DRC7: variants seen among roughly 807,000 people sequenced by gnomAD.
DRC7 encodes the protein dynein regulatory complex subunit 7, also known as coiled-coil domain containing 135.
Under a neutral mutation model 104.4 loss-of-function variants are expected in DRC7, and 80 were observed. That is an observed-to-expected ratio of 0.77 (90% CI 0.64 to 0.92). DRC7 has a LOEUF of 0.92. Ranked by LOEUF, DRC7 falls within the 40% of genes least tolerant of loss-of-function variation. The pLI is 0.00. For missense variants in DRC7, 1,034 were observed against 1,141.1 expected, an observed-to-expected ratio of 0.91 and a Z score of 1.35; for synonymous variants, 405 against 447.3, an observed-to-expected ratio of 0.91 and a Z score of 1.19.
chr16:57,715,956 A>G (rs919473592), intron 8 of DRC7, among the ~76,000 whole-genome samples: 2 of 152,158 alleles, frequency 1.3e-5, no homozygotes, highest in Non-Finnish European at 2.9e-5. Context: ...TGTCACTTTT[A>G]CCAGCACACG....
chr16:57,709,128 CAAA>C (rs10536559), intron 8 of DRC7, among the ~76,000 whole-genome samples: 86 of 107,602 alleles, frequency 8.0e-4, no homozygotes, highest in South Asian at 9.1e-4. Flanking sequence ...GACTCTGTCT[CAAA>C]AAAAAAAAAA....
Position 57,721,434 on chromosome 16 carries a change from C to T in DRC7, c.1207-233C>T, listed in dbSNP as rs112995449. On this transcript the variant is annotated intron_variant, in intron 9 of 18. Coordinates refer to ENST00000360716, the MANE Select transcript of DRC7 (RefSeq NM_001289162.2). Reference sequence around the variant, plus strand: ...TCTCTAATCACGAAGGGCCTGCAGCCAGGGCAGGGGGTGCTGCTGTCCTAA... The same window carrying T: ...TCTCTAATCACGAAGGGCCTGCAGCTAGGGCAGGGGGTGCTGCTGTCCTAA... Among the ~76,000 whole-genome samples, 1,485 of 152,296 alleles carry T rather than the reference C, an allele frequency of 9.8e-3. 19 individuals carry two copies. The highest frequency in any genetic ancestry group is 0.017 in the Middle Eastern group (5 of 294).
chr16:57,722,848 G>C lies in DRC7; in HGVS notation c.1408+7G>C. The C allele has an allele frequency of 3.1e-6, 5 of 1,613,718 alleles. No homozygotes were observed. The highest frequency in any genetic ancestry group is 4.2e-6 in the Non-Finnish European group (5 of 1,180,014). ...ACCTATGAGGACTTGCAGTGTAAGG[G>C]GGATTGCTCTGGACATGGGTCCAGG... On this transcript the variant is annotated splice_region_variant and intron_variant, in intron 11 of 18. Transcript: ENST00000360716.
chr16:57,731,709 A>C lies in DRC7; in HGVS notation c.*451A>C. 1 of 172,004 alleles carries C rather than the reference A, an allele frequency of 5.8e-6. No homozygotes were observed. The highest frequency in any genetic ancestry group is 1.4e-4 in the South Asian group (1 of 7,030). The allele number at this position is 172,004 out of a possible 1,614,324, so 10.7% of individuals were successfully genotyped here. A position where few individuals can be genotyped will look rare whatever the true frequency, so the allele number is the denominator to read the frequency against. ...GGAAGGCTAAGATGCATGCCCCAGA[A>C]TTTGAGGACTGAATCCCAGCTCCTC... On this transcript the variant is annotated 3_prime_UTR_variant, in exon 19 of 19. Transcript: ENST00000360716.
chr16:57,731,132 C>A, intron 18 of DRC7, 33 bp from the exon 19 acceptor site: 2 of 1,613,644 alleles, frequency 1.2e-6, no homozygotes, highest in Non-Finnish European at 1.7e-6. Context: ...CTTTGTAACC[C>A]CTCACCCTCT....
chr16:57,704,008 C>T (rs910113758), intron 6 of DRC7, among the ~76,000 whole-genome samples: 11 of 149,080 alleles, frequency 7.4e-5, no homozygotes, highest in Admixed American at 1.3e-4. Flanking sequence ...AGCTCCCACC[C>T]GGGCATCTCA....
intron 8 of DRC7, among the ~76,000 whole-genome samples, chr16:57,709,474 A>G (rs1432824725): frequency 1.3e-5 from 2 of 152,256 alleles, no homozygotes; most frequent in African/African-American, 4.8e-5. Flanking sequence ...TAGGGTTTTT[A>G]TAGCTAGCTA....
intron 2 of DRC7, among the ~76,000 whole-genome samples, chr16:57,696,946 T>G (rs1424220244): frequency 6.6e-6 from 1 of 152,214 alleles, no homozygotes; most frequent in Non-Finnish European, 1.5e-5. Flanking sequence ...AGAGTCTCAC[T>G]CTGTCACCCA....
chr16:57,728,753 G>C (rs2049004932), intron 17 of DRC7, among the ~76,000 whole-genome samples, 169 bp downstream of exon 17: 1 of 127,046 alleles, frequency 7.9e-6, no homozygotes, highest in Admixed American at 1.1e-4. Flanking sequence ...CCTCACACTT[G>C]TTTATCGGAT....
At chr16:57,727,105 C>A in intron 15 of DRC7, 163 bp downstream of exon 15, 1 of 647,512 alleles carries the variant, frequency 1.5e-6, no homozygotes, top group Non-Finnish European at 2.7e-6. Context: ...GGACCACTAG[C>A]GCACACCACC....
chr16:57,714,499 A>C (rs1208704595), intron 8 of DRC7, among the ~76,000 whole-genome samples: 1 of 152,040 alleles, frequency 6.6e-6, no homozygotes, highest in Non-Finnish European at 1.5e-5. Flanking sequence ...GATGGCATGC[A>C]CCTGTAGTCC....
At chr16:57,695,386 GCC>G (rs2048583197) in intron 1 of DRC7, among the ~76,000 whole-genome samples, 1 of 152,128 alleles carries the variant, frequency 6.6e-6, no homozygotes, top group African/African-American at 2.4e-5. Flanking sequence ...ACTTCTCTGG[GCC>G]CCAATCTTCT....
intron 15 of DRC7, 146 bp from the exon 16 acceptor site, chr16:57,727,153 A>G (rs1305730534): frequency 3.2e-5 from 23 of 713,010 alleles, no homozygotes. Context: ...TTTGTTTTTT[A>G]ACAGATGGGG....
intron 15 of DRC7, 101 bp from the exon 16 acceptor site, chr16:57,727,198 T>C: frequency 1.0e-6 from 1 of 956,672 alleles, no homozygotes; most frequent in Non-Finnish European, 1.7e-6. Flanking sequence ...CTCAAACTCC[T>C]GAATTCATGC....
intron 1 of DRC7, among the ~76,000 whole-genome samples, chr16:57,695,645 C>T (rs186468222): frequency 1.8e-4 from 28 of 152,330 alleles, no homozygotes; most frequent in African/African-American, 6.7e-4. Context: ...ATCTGGGGTC[C>T]TGAATGGTGT....
rs1279432267 is a variant in DRC7, at chr16:57,700,216, C to T, written c.450C>T (p.Ala150=). ...YPELYNWDSC[A]QFVSDFLTMV... ...AGCTCTACAACTGGGACAGCTGTGC[C>T]CAGTTTGTCTCCGACTTCCTCACCA... is the stretch of plus-strand genomic sequence containing the variant. The change falls in exon 5 of 19, where the codon GCC becomes GCT. Residue 150 remains alanine (A), a synonymous_variant. Coordinates refer to ENST00000360716, the MANE Select transcript of DRC7 (RefSeq NM_001289162.2). 6.2e-7 allele frequency: 1 copy of T among 1,614,112 alleles called. No individual in the cohort carries two copies.
At chr16:57,708,949 T>TTTCACCCCGTTTAGTA (rs2048762950) in intron 8 of DRC7, among the ~76,000 whole-genome samples, 1 of 151,840 alleles carries the variant, frequency 6.6e-6, no homozygotes, top group African/African-American at 2.4e-5. Flanking sequence ...GCCAACATGG[T>TTTCACCCCGTTTAGTA]GAAACCCCGT....
At chr16:57,727,204 C>A (rs2048979606) in intron 15 of DRC7, 95 bp from the exon 16 acceptor site, 2 of 981,460 alleles carry the variant, frequency 2.0e-6, no homozygotes, top group Non-Finnish European at 1.6e-6. Flanking sequence ...CTCCTGAATT[C>A]ATGCAATCTG....
intron 3 of DRC7, among the ~76,000 whole-genome samples, chr16:57,698,518 C>T (rs2923132): frequency 0.21 from 31,269 of 151,810 alleles, 3,338 homozygotes; most frequent in African/African-American, 0.27. Context: ...AAGACCCCCC[C>T]ACCCATGTCT....
Sources: gnomAD v4.1 joint callset for allele counts (sites outside exome capture counted in the v4.1 genomes callset) on GRCh38, gnomAD v4.1.1 for gene constraint, MANE v1.5 for transcripts, NCBI Gene and HGNC (gene_info 2026-07-23, HGNC 2026-07-21) for gene names.